The following TMCC2 variants were observed in gnomAD, a reference collection of about 807,000 sequenced individuals.
TMCC2 encodes transmembrane and coiled-coil domains protein 2.
Under a neutral mutation model 49.4 loss-of-function variants are expected in TMCC2, and 16 were observed. That is an observed-to-expected ratio of 0.32 (90% confidence interval 0.22 to 0.49). The LOEUF (loss-of-function observed/expected upper bound fraction) is 0.49, where lower values mean the gene tolerates loss of function less well. TMCC2 is among the 20% of genes least tolerant of loss of function. The probability of loss-of-function intolerance (pLI) is 0.99; values close to 1 mark genes in which losing one functional copy is unlikely to be tolerated. For synonymous variants in TMCC2, 397 were observed against 434.1 expected, an observed-to-expected ratio of 0.91 and a Z score of 1.06; for missense variants, 762 against 989.8, an observed-to-expected ratio of 0.77 and a Z score of 3.09.
intron 2 of TMCC2, among the ~76,000 whole-genome samples, chr1:205,259,656 AG>A (rs1216813462): frequency 1.3e-5 from 2 of 152,204 alleles, no homozygotes; most frequent in South Asian, 2.1e-4. Flanking sequence ...TCCCATGTCC[AG>A]GGCCGGGTTG....
rs533260953 is a variant in TMCC2 at position 205,245,324 on chromosome 1, G to A, written c.747+3280G>A. ...CCAAGTGCTAGACTATGGGCAGGAG[G>A]CAGCTTGTTTGTTGTGGAAGGAGGA... On this transcript the variant is annotated intron_variant, in intron 2 of 4. Transcript: ENST00000358024. 5.3e-4 allele frequency among the ~76,000 whole-genome samples: 80 copies of A among 152,312 alleles called. 1 individual carries two copies. In the South Asian group the frequency reaches 0.016, roughly 30 times the overall value.
chr1:205,239,984 G>A (rs985168392), intron 1 of TMCC2, among the ~76,000 whole-genome samples: 4 of 151,876 alleles, frequency 2.6e-5, no homozygotes, highest in African/African-American at 9.7e-5. Flanking sequence ...AAAAAAAAAA[G>A]AAAATCCAGT....
At chr1:205,248,518 T>C (rs959097081) in intron 2 of TMCC2, among the ~76,000 whole-genome samples, 3 of 152,196 alleles carry the variant, frequency 2.0e-5, no homozygotes, top group African/African-American at 7.2e-5. Flanking sequence ...GGGGAAAAAG[T>C]TGTCATCAAT....
chr1:205,239,195 C>T lies in TMCC2; in HGVS notation c.208-2310C>T, dbSNP rs189405677. The stretch of plus-strand genomic sequence containing the variant: ...GAAGAGGAAGGGACCTGGAATAGAA[C>T]GCTAGAAAGACAATTCGTATTATGG... On this transcript the variant is annotated intron_variant, in intron 1 of 4. Transcript: ENST00000358024. 9.9e-5 allele frequency among the ~76,000 whole-genome samples: 15 copies of T among 152,278 alleles called. No homozygotes were observed. In the South Asian group the frequency reaches 1.9e-3, roughly 19 times the overall value.
At chr1:205,261,587 G>A (rs1016341211) in intron 2 of TMCC2, among the ~76,000 whole-genome samples, 1 of 151,830 alleles carries the variant, frequency 6.6e-6, no homozygotes, top group African/African-American at 2.4e-5. Context: ...GCTGAGGTGG[G>A]AGGATTGCTT....
At chr1:205,254,856 A>T (rs1270014566) in intron 2 of TMCC2, among the ~76,000 whole-genome samples, 1 of 151,936 alleles carries the variant, frequency 6.6e-6, no homozygotes, top group Non-Finnish European at 1.5e-5. Flanking sequence ...GCCCCTCCCC[A>T]CCTGTCTCCT....
Position 205,272,265 on chromosome 1 carries a change from T to C in TMCC2, c.*141T>C. 1 of 1,422,766 alleles carries C rather than the reference T, an allele frequency of 7.0e-7. No homozygotes were observed. Among genetic ancestry groups the C allele is most frequent in the Non-Finnish European group, 9.2e-7 (1 of 1,082,612 alleles). 88.1% of individuals were successfully genotyped at this position (1,422,766 alleles called of 1,614,324 possible). A position where few individuals can be genotyped will look rare whatever the true frequency, so the allele number is the denominator to read the frequency against. On this transcript the variant is annotated 3_prime_UTR_variant, in exon 5 of 5. Coordinates refer to ENST00000358024, the MANE Select transcript of TMCC2 (RefSeq NM_014858.4). The stretch of plus-strand genomic sequence containing the variant: ...CCAGCAGCTCCTGCCCCCTTCTCTG[T>C]ACTTGCTTCTGTCTGACACCTTCTC...
At chr1:205,263,156 C>G (rs1259356727) in intron 2 of TMCC2, among the ~76,000 whole-genome samples, 2 of 152,136 alleles carry the variant, frequency 1.3e-5, no homozygotes, top group African/African-American at 4.8e-5. Context: ...CACACACACA[C>G]CCCTAAGCAC....
At position 205,241,888 on chromosome 1, in the gene TMCC2, G is replaced by A. The variant is rs763359236; in HGVS notation, c.591G>A (p.Leu197=). Residue 197 remains leucine (L), a synonymous_variant, in exon 2 of 5, where the codon CTG becomes CTA. Coordinates refer to ENST00000358024, the MANE Select transcript of TMCC2 (RefSeq NM_014858.4). This position sits in a 1 kb window ranked among gnomAD's most constrained non-coding sequence, Gnocchi z 7.3. ...AGCCCCAGCGTGGCAGCCCTCACCT[G>A]CTGCGCAAGGCCCCCCAGGACAGCA... ...SLEPQRGSPH[L]LRKAPQDSSL... is the part of the protein sequence containing the mutation. 3.7e-6 allele frequency: 6 copies of A among 1,607,182 alleles called. No individual in the cohort carries two copies. In the African/African-American group the frequency reaches 4.0e-5, roughly 11 times the overall value.
At chr1:205,229,125 CTGAG>C (rs941847942) in intron 1 of TMCC2, 20 of 1,128,164 alleles carry the variant, frequency 1.8e-5, no homozygotes, top group Admixed American at 1.7e-4. Context: ...GTTTTCCTTG[CTGAG>C]TAAGTCTCTA....
At chr1:205,263,172 G>A (rs571658339) in intron 2 of TMCC2, among the ~76,000 whole-genome samples, 33 of 152,234 alleles carry the variant, frequency 2.2e-4, no homozygotes, top group African/African-American at 7.9e-4. Flanking sequence ...AGCACGAGAC[G>A]GGGCTGGGTG....
chr1:205,259,823 T>G (rs1574858277), intron 2 of TMCC2, among the ~76,000 whole-genome samples: 1 of 151,898 alleles, frequency 6.6e-6, no homozygotes, highest in South Asian at 2.1e-4. Flanking sequence ...GCCAGGGAGG[T>G]GAGTCCGGGG....
rs908931035 is a variant in TMCC2 at position 205,241,359 on chromosome 1, G to A, written c.208-146G>A. 2.5e-5 allele frequency: 23 copies of A among 911,164 alleles called. No homozygotes were observed. Among genetic ancestry groups the A allele is most frequent in the Non-Finnish European group, 3.5e-5 (21 of 607,796 alleles). The allele number at this position is 911,164 out of a possible 1,614,324, so 56.4% of individuals were successfully genotyped here. ...CGCAAACTGACCCTTTATGCACGACGGGCCATCCACAGAGATCTTCCAGGT... is the reference window on the plus strand; with the variant it reads ...CGCAAACTGACCCTTTATGCACGACAGGCCATCCACAGAGATCTTCCAGGT... On this transcript the variant is annotated intron_variant, in intron 1 of 4. Transcript: ENST00000358024. This position sits in a 1 kb window ranked among gnomAD's most constrained non-coding sequence, Gnocchi z 7.3.
At chr1:205,238,189 T>C (rs1660130050) in intron 1 of TMCC2, among the ~76,000 whole-genome samples, 1 of 152,154 alleles carries the variant, frequency 6.6e-6, no homozygotes, top group Non-Finnish European at 1.5e-5. Context: ...CTAGTCACCA[T>C]GGTTTTCCTC....
chr1:205,231,387 C>G (rs925329363), intron 1 of TMCC2, among the ~76,000 whole-genome samples: 9 of 152,116 alleles, frequency 5.9e-5, no homozygotes, highest in African/African-American at 2.2e-4. Context: ...GTCTCAAACT[C>G]CCAGGCTCAA....
intron 2 of TMCC2, among the ~76,000 whole-genome samples, chr1:205,255,263 G>A (rs1208283564): frequency 1.3e-5 from 2 of 151,688 alleles, no homozygotes; most frequent in African/African-American, 4.8e-5. Context: ...GGGCAGAGAA[G>A]GGGTATCTTG....
chr1:205,255,878 C>T (rs1265841842), intron 2 of TMCC2, among the ~76,000 whole-genome samples: 1 of 152,198 alleles, frequency 6.6e-6, no homozygotes, highest in African/African-American at 2.4e-5. Context: ...GGATCATTTG[C>T]AGAAGTAGGG....
At position 205,241,787 on chromosome 1, in the gene TMCC2, G is replaced by A. The variant is rs773338180; in HGVS notation, c.490G>A (p.Gly164Ser). Residue 164 changes from glycine (G) to serine (S), a missense_variant, in exon 2 of 5, where the codon GGC becomes AGC. This residue lies in a region of TMCC2 where 322 missense variants were observed against 353.1 expected (regional missense o/e 0.91). Coordinates refer to ENST00000358024, the MANE Select transcript of TMCC2 (RefSeq NM_014858.4). This position sits in a 1 kb window ranked among gnomAD's most constrained non-coding sequence, Gnocchi z 7.3. Reference protein sequence around the residue: ...QIRSRPSIKRGASLHSSSGGG... With the variant: ...QIRSRPSIKRSASLHSSSGGG... ...CCGCTCCCGGCCCTCCATCAAGCGG[G>A]GCGCCAGCCTGCACAGCAGCAGTGG... The A allele has an allele frequency of 1.4e-5, 22 of 1,608,660 alleles. No individual in the cohort carries two copies. Among genetic ancestry groups the A allele is most frequent in the Non-Finnish European group, 1.8e-5 (21 of 1,178,674 alleles).
intron 2 of TMCC2, 187 bp from the exon 3 acceptor site, chr1:205,268,763 C>T (rs531230297): frequency 1.6e-5 from 10 of 617,106 alleles, no homozygotes; most frequent in South Asian, 6.1e-5. Flanking sequence ...GCTGTGGGGA[C>T]GGGGTAGAGA....
Sources: allele counts gnomAD v4.1 joint callset (sites outside exome capture counted in the v4.1 genomes callset), GRCh38; gene constraint gnomAD v4.1.1; regional missense constraint gnomAD v4.1.1; non-coding constraint Gnocchi (gnomAD v3.1); transcripts MANE v1.5; gene names NCBI Gene and HGNC (gene_info 2026-07-23, HGNC 2026-07-21).